STAU2: variants seen among roughly 807,000 people sequenced by gnomAD.
STAU2 encodes double-stranded RNA-binding protein Staufen homolog 2.
In STAU2, 20 loss-of-function variants were observed where a neutral mutation model predicts 65.9. That is an observed-to-expected ratio of 0.30 (90% CI 0.21 to 0.44). The LOEUF is 0.44. Ranked by LOEUF, STAU2 falls within the 20% of genes least tolerant of loss-of-function variation. The pLI, the probability that STAU2 is intolerant of heterozygous loss-of-function variation, is 1.00. For synonymous variants in STAU2, 232 were observed against 233.9 expected (o/e 0.99, Z 0.07); for missense variants, 558 against 683.9 (o/e 0.82, Z 2.05).
At chr8:73,528,121 T>C (rs1242577263) in intron 13 of STAU2, among the ~76,000 whole-genome samples, 1 of 152,170 alleles carries the variant, frequency 6.6e-6, no homozygotes, top group Non-Finnish European at 1.5e-5. Flanking sequence ...GGCTCAAGCA[T>C]AAGCGTAAGT....
intron 5 of STAU2, among the ~76,000 whole-genome samples, chr8:73,685,612 G>A (rs1818749174): frequency 6.6e-6 from 1 of 151,940 alleles, no homozygotes; most frequent in Non-Finnish European, 1.5e-5. Flanking sequence ...TCCTAACCTC[G>A]TGATCTGCCC....
intron 5 of STAU2, among the ~76,000 whole-genome samples, chr8:73,681,659 C>A (rs1014857092): frequency 6.6e-6 from 1 of 152,076 alleles, no homozygotes; most frequent in African/African-American, 2.4e-5. Context: ...GGCCTAAATG[C>A]TCCACTTAAA....
intron 13 of STAU2, among the ~76,000 whole-genome samples, chr8:73,432,420 A>G (rs143239423): frequency 1.3e-5 from 2 of 152,344 alleles, no homozygotes; most frequent in African/African-American, 4.8e-5. Context: ...AAATAACTGA[A>G]AAACCAGAAG....
intron 3 of STAU2, among the ~76,000 whole-genome samples, chr8:73,718,310 C>G (rs767637615): frequency 9.2e-5 from 14 of 152,188 alleles, no homozygotes; most frequent in African/African-American, 1.4e-4. Context: ...TAAGGCATAT[C>G]AGAGCCTCCT....
intron 6 of STAU2, among the ~76,000 whole-genome samples, chr8:73,640,496 G>C (rs571254830): frequency 1.1e-4 from 16 of 152,246 alleles, no homozygotes; most frequent in African/African-American, 3.8e-4. Context: ...CAGGCCATAA[G>C]GTTTCTAACA....
intron 13 of STAU2, among the ~76,000 whole-genome samples, chr8:73,541,449 A>G (rs1806539009): frequency 1.3e-5 from 2 of 152,338 alleles, no homozygotes; most frequent in African/African-American, 2.4e-5. Context: ...AACTTAATCA[A>G]AAACCAAAAC....
At chr8:73,659,668 T>C (rs1816679791) in intron 6 of STAU2, among the ~76,000 whole-genome samples, 1 of 152,170 alleles carries the variant, frequency 6.6e-6, no homozygotes, top group Non-Finnish European at 1.5e-5. Flanking sequence ...TGAAAGAGCA[T>C]TGCTTCAAAC....
At chr8:73,522,918 C>G (rs1823117208) in intron 13 of STAU2, among the ~76,000 whole-genome samples, 1 of 151,954 alleles carries the variant, frequency 6.6e-6, no homozygotes, top group South Asian at 2.1e-4. Context: ...GAAGTCTGGG[C>G]CAGGTGCAGT....
At chr8:73,590,282 A>C (rs554505814) in intron 11 of STAU2, among the ~76,000 whole-genome samples, 11 of 152,176 alleles carry the variant, frequency 7.2e-5, no homozygotes, top group Admixed American at 4.6e-4. Context: ...AATCAATTAG[A>C]TACATCACAA....
intron 13 of STAU2, among the ~76,000 whole-genome samples, chr8:73,485,141 CTTTTTTTTTTTTTT>C (rs10524978): frequency 3.6e-5 from 3 of 82,824 alleles, no homozygotes; most frequent in East Asian, 4.3e-4. Context: ...CATCCTTACT[CTTTTTTTTTTTTTT>C]TTTTTTTTTT....
At chr8:73,714,880 C>CA (rs924685034) in intron 3 of STAU2, among the ~76,000 whole-genome samples, 1 of 151,964 alleles carries the variant, frequency 6.6e-6, no homozygotes, top group African/African-American at 2.4e-5. Flanking sequence ...TCAGGAGTTC[C>CA]AGACCAGCCT....
At chr8:73,720,935 T>G (rs1169236096) in intron 3 of STAU2, among the ~76,000 whole-genome samples, 1 of 151,992 alleles carries the variant, frequency 6.6e-6, no homozygotes, top group African/African-American at 2.4e-5. Context: ...CTAATTCCAC[T>G]GTAATCAGAT....
intron 6 of STAU2, chr8:73,669,234 CT>C (rs1817480835): frequency 5.0e-6 from 3 of 595,318 alleles, no homozygotes; most frequent in Non-Finnish European, 6.0e-6. Flanking sequence ...CTTACTAGTA[CT>C]TTCCGATATT....
intron 13 of STAU2, among the ~76,000 whole-genome samples, chr8:73,430,573 A>G (rs1817195147): frequency 6.6e-6 from 1 of 152,238 alleles, no homozygotes; most frequent in African/African-American, 2.4e-5. Flanking sequence ...CACTACCTTT[A>G]GCAAGACCCA....
At chr8:73,593,766 A>T (rs1586079879) in intron 11 of STAU2, among the ~76,000 whole-genome samples, 1 of 151,726 alleles carries the variant, frequency 6.6e-6, no homozygotes, top group African/African-American at 2.4e-5. Context: ...TGAAATTTCA[A>T]CTCTTTCCTG....
At chr8:73,664,918 G>A (rs1377902770) in intron 6 of STAU2, among the ~76,000 whole-genome samples, 1 of 152,080 alleles carries the variant, frequency 6.6e-6, no homozygotes, top group Non-Finnish European at 1.5e-5. Context: ...CTCGAACCTG[G>A]GAAGCAAAAG....
chr8:73,697,336 C>T (rs965785948), intron 4 of STAU2: 1 of 152,122 alleles, frequency 6.6e-6, no homozygotes, highest in Admixed American at 6.5e-5. Flanking sequence ...TGAAAATATC[C>T]TTTAATTATG....
At chr8:73,630,710 G>C (rs947783916) in intron 6 of STAU2, among the ~76,000 whole-genome samples, 1 of 152,106 alleles carries the variant, frequency 6.6e-6, no homozygotes, top group African/African-American at 2.4e-5. Flanking sequence ...TGGGCTGGAG[G>C]GCCAGCTCAG....
At chr8:73,532,748 T>C (rs1335802144) in intron 13 of STAU2, among the ~76,000 whole-genome samples, 1 of 152,214 alleles carries the variant, frequency 6.6e-6, no homozygotes, top group Non-Finnish European at 1.5e-5. Context: ...AACAAGAACC[T>C]TGGCCTCCAC....
Sources: gnomAD v4.1 joint callset for allele counts (sites outside exome capture counted in the v4.1 genomes callset) on GRCh38, gnomAD v4.1.1 for gene constraint, MANE v1.5 for transcripts, NCBI Gene and HGNC (gene_info 2026-07-23, HGNC 2026-07-21) for gene names.